KCNT2: variants seen among roughly 807,000 people sequenced by gnomAD.
The protein encoded by KCNT2 is potassium sodium-activated channel subfamily T member 2, also known as potassium channel subfamily T member 2.
Under a neutral mutation model 153.8 loss-of-function variants are expected in KCNT2, and 67 were observed. The ratio of observed to expected loss-of-function variants is 0.44; its 90% CI spans 0.36 to 0.53. The LOEUF (loss-of-function observed/expected upper bound fraction) is 0.53. Among genes scored for constraint, KCNT2 ranks in the 20% least tolerant of loss-of-function variants. The probability of loss-of-function intolerance (pLI) is 0.00; values close to 1 mark genes in which losing one functional copy is unlikely to be tolerated. For missense variants in KCNT2, 975 were observed against 1,354.8 expected (o/e 0.72, Z 4.40); for synonymous variants, 500 against 458.8 (o/e 1.09, Z -1.15).
chr1:196,256,608 A>G (rs1170074582), intron 26 of KCNT2, among the ~76,000 whole-genome samples: 2 of 137,224 alleles, frequency 1.5e-5, no homozygotes. Context: ...TTGAGATATA[A>G]TTATTTTTCT....
rs746747281 is a variant in KCNT2, at chr1:196,227,548, C to G, written c.*676G>C. On this transcript the variant is annotated 3_prime_UTR_variant, in exon 28 of 28. Coordinates refer to ENST00000294725, the MANE Select transcript of KCNT2 (RefSeq NM_198503.5). ...AAATATTTGCTAGACATAAAGTTAC[C>G]AAAAAGTGCAGGAACCTAGTGTTTC... 1 of 152,050 alleles carries G rather than the reference C, an allele frequency of 6.6e-6. No individual in the cohort carries two copies. The highest frequency in any genetic ancestry group is 1.5e-5 in the Non-Finnish European group (1 of 67,910). The allele number at this position is 152,050 out of a possible 1,614,324, so 9.4% of individuals were successfully genotyped here.
intron 1 of KCNT2, among the ~76,000 whole-genome samples, chr1:196,540,942 T>G (rs1558056629): frequency 6.6e-6 from 1 of 151,828 alleles, no homozygotes; most frequent in Admixed American, 6.6e-5. Flanking sequence ...GGCGGGCGCC[T>G]GTAGTCCCAG....
chr1:196,351,958 A>T (rs1303332659), intron 14 of KCNT2, among the ~76,000 whole-genome samples: 1 of 152,168 alleles, frequency 6.6e-6, no homozygotes, highest in East Asian at 1.9e-4. Flanking sequence ...ATCTATTGAG[A>T]TAATCATGTG....
chr1:196,377,270 A>C (rs1422559911), intron 13 of KCNT2, among the ~76,000 whole-genome samples: 1 of 151,934 alleles, frequency 6.6e-6, no homozygotes, highest in Non-Finnish European at 1.5e-5. Flanking sequence ...ATGACCAAGC[A>C]GTGTTGGAGA....
At chr1:196,363,322 C>T (rs1437727185) in intron 14 of KCNT2, among the ~76,000 whole-genome samples, 2 of 152,032 alleles carry the variant, frequency 1.3e-5, no homozygotes, top group East Asian at 1.9e-4. Context: ...CAATTCCTTA[C>T]TTTCTGCCAC....
At chr1:196,402,617 C>T (rs1671509728) in intron 12 of KCNT2, among the ~76,000 whole-genome samples, 2 of 151,210 alleles carry the variant, frequency 1.3e-5, no homozygotes, top group African/African-American at 4.8e-5. Flanking sequence ...ACAGAGGAAC[C>T]AAAATTAGAG....
intron 1 of KCNT2, among the ~76,000 whole-genome samples, chr1:196,566,410 G>T (rs113723463): frequency 6.6e-6 from 1 of 151,982 alleles, no homozygotes; most frequent in Admixed American, 6.6e-5. Flanking sequence ...AGAAGGAATG[G>T]GGATACACAA....
chr1:196,239,417 G>A (rs1173039251), intron 26 of KCNT2, among the ~76,000 whole-genome samples: 3 of 151,684 alleles, frequency 2.0e-5, no homozygotes, highest in Admixed American at 2.0e-4. Flanking sequence ...CATTTACAAA[G>A]AAACTTCTTT....
chr1:196,503,293 C>T (rs1272695531), intron 1 of KCNT2, among the ~76,000 whole-genome samples: 1 of 152,002 alleles, frequency 6.6e-6, no homozygotes, highest in Non-Finnish European at 1.5e-5. Context: ...TACCTAAGTA[C>T]ATATACATAT....
chr1:196,355,094 A>G (rs1667063291), intron 14 of KCNT2, among the ~76,000 whole-genome samples: 1 of 151,740 alleles, frequency 6.6e-6, no homozygotes, highest in Non-Finnish European at 1.5e-5. Context: ...TACAAAATAA[A>G]CAGCTAACAC....
At chr1:196,228,795 TA>T (rs1391297172) in intron 27 of KCNT2, among the ~76,000 whole-genome samples, 1 of 152,080 alleles carries the variant, frequency 6.6e-6, no homozygotes, top group Non-Finnish European at 1.5e-5. Context: ...TTTTATCACT[TA>T]AAAAATTAGG....
Position 196,429,597 on chromosome 1 carries a change from G to A in KCNT2, c.799C>T (p.Leu267Phe). The change falls in exon 9 of 28, where the codon CTT becomes TTT. Residue 267 changes from leucine (L) to phenylalanine (F), a missense_variant. Transcript: ENST00000294725. ...LFVVAMICVALVVLPIQFEQL... is the reference protein window; with the variant it reads ...LFVVAMICVAFVVLPIQFEQL... ...TTTACCTGTATGGGTAGAACCACAA[G>A]AGCAACACAAATCATAGCAACTACA... 6.2e-7 allele frequency: 1 copy of A among 1,611,352 alleles called. No individual in the cohort carries two copies. Among genetic ancestry groups the A allele is most frequent in the Non-Finnish European group, 8.5e-7 (1 of 1,178,778 alleles).
chr1:196,429,208 A>G (rs575928773), intron 9 of KCNT2, among the ~76,000 whole-genome samples: 45 of 152,062 alleles, frequency 3.0e-4, no homozygotes, highest in African/African-American at 8.7e-4. Flanking sequence ...TTTGTGGTTT[A>G]TTTTGAAGAA....
chr1:196,404,849 T>G (rs1403493169), intron 12 of KCNT2, among the ~76,000 whole-genome samples: 1 of 151,648 alleles, frequency 6.6e-6, no homozygotes, highest in African/African-American at 2.4e-5. Context: ...AAAAACAATA[T>G]TTACTTCATA....
chr1:196,254,030 A>G (rs1374890900), intron 26 of KCNT2, among the ~76,000 whole-genome samples: 1 of 151,486 alleles, frequency 6.6e-6, no homozygotes, highest in Admixed American at 6.6e-5. Context: ...AGGATATGAT[A>G]CAACTCTATA....
At chr1:196,305,149 C>A in intron 22 of KCNT2, 85 bp downstream of exon 22, 1 of 791,564 alleles carries the variant, frequency 1.3e-6, no homozygotes, top group East Asian at 2.7e-5. Flanking sequence ...TTTACTATCT[C>A]ATGGCATTTT....
At chr1:196,426,058 A>G in intron 10 of KCNT2, 70 bp from the exon 11 acceptor site, 5 of 1,179,712 alleles carry the variant, frequency 4.2e-6, no homozygotes, top group Non-Finnish European at 6.0e-6. Context: ...AGAAAAATAA[A>G]ATATCTAAGA....
At chr1:196,528,290 T>C (rs1339953) in intron 1 of KCNT2, among the ~76,000 whole-genome samples, 141,311 of 152,244 alleles carry the variant, frequency 0.93, 66,471 homozygotes, top group East Asian at 1. Flanking sequence ...ATATTACAAA[T>C]CTGGGTAGCC....
At chr1:196,496,938 A>T (rs888127803) in intron 1 of KCNT2, among the ~76,000 whole-genome samples, 2 of 152,250 alleles carry the variant, frequency 1.3e-5, no homozygotes. Flanking sequence ...CCAATCAGCA[A>T]TAGATTTTTT....
Sources: allele counts gnomAD v4.1 joint callset (sites outside exome capture counted in the v4.1 genomes callset), GRCh38; gene constraint gnomAD v4.1.1; transcripts MANE v1.5; gene names NCBI Gene and HGNC (gene_info 2026-07-23, HGNC 2026-07-21).